Variants in ARFGAP3 observed in about 807,000 individuals in gnomAD.
ARFGAP3 encodes ARF GTPase activating protein 3, also known as ADP-ribosylation factor GTPase-activating protein 3.
ARFGAP3 carries 72 observed loss-of-function variants against 75.0 expected under a neutral mutation model. That is an observed-to-expected ratio of 0.96 (90% CI 0.79 to 1.17). The LOEUF (loss-of-function observed/expected upper bound fraction) is 1.17. Ranked by LOEUF, ARFGAP3 falls within the 50% of genes most tolerant of loss-of-function variation. The pLI, the probability that ARFGAP3 is intolerant of heterozygous loss-of-function variation, is 0.00. For missense variants in ARFGAP3, 620 were observed against 626.6 expected (o/e 0.99, Z 0.11); for synonymous variants, 221 against 217.9 (o/e 1.01, Z -0.13).
intron 9 of ARFGAP3, among the ~76,000 whole-genome samples, chr22:42,819,448 T>C (rs756491791): frequency 3.3e-4 from 51 of 152,248 alleles, no homozygotes; most frequent in Non-Finnish European, 6.6e-4. Context: ...ACTAAAAGCA[T>C]GCACTTTGAT....
chr22:42,823,814 T>G lies in ARFGAP3; in HGVS notation c.626-112A>C, dbSNP rs113217542. On this transcript the variant is annotated intron_variant, in intron 7 of 15. Coordinates refer to ENST00000263245, the MANE Select transcript of ARFGAP3 (RefSeq NM_014570.5). ...CTTTATTATTTAAGAGATGATAACA[T>G]TTTCCACTTTAGTTTCTCATCCAGA... The G allele has an allele frequency of 4.4e-5, 53 of 1,211,806 alleles. No homozygotes were observed. The African/African-American group carries it at 7.8e-4, about 18-fold the overall frequency. The allele number at this position is 1,211,806 out of a possible 1,614,324, so 75.1% of individuals were successfully genotyped here. A position where few individuals can be genotyped will look rare whatever the true frequency, so the allele number is the denominator to read the frequency against.
intron 11 of ARFGAP3, among the ~76,000 whole-genome samples, chr22:42,812,260 T>G (rs1297097766): frequency 6.9e-6 from 1 of 145,970 alleles, no homozygotes; most frequent in Non-Finnish European, 1.5e-5. Context: ...GACTGTGCCA[T>G]GCCAGAATTC....
At chr22:42,842,770 C>T (rs981024940) in intron 2 of ARFGAP3, among the ~76,000 whole-genome samples, 4 of 152,052 alleles carry the variant, frequency 2.6e-5, no homozygotes, top group Non-Finnish European at 5.9e-5. Context: ...ATTTCCCAGC[C>T]GCCCTTTGTT....
intron 1 of ARFGAP3, among the ~76,000 whole-genome samples, chr22:42,849,853 C>T (rs916265668): frequency 5.3e-5 from 8 of 152,222 alleles, no homozygotes; most frequent in South Asian, 4.1e-4. Context: ...TGAGCCACCA[C>T]GTCCGGCTCC....
chr22:42,847,221 G>T, intron 2 of ARFGAP3: 1 of 244,478 alleles, frequency 4.1e-6, no homozygotes. Context: ...AGGCTGGAAT[G>T]CAGCGGCAAG....
chr22:42,819,090 G>A (rs545842375), intron 9 of ARFGAP3, among the ~76,000 whole-genome samples: 2 of 152,224 alleles, frequency 1.3e-5, no homozygotes, highest in African/African-American at 4.8e-5. Context: ...TGGGATTACA[G>A]GCATGAGCCA....
At chr22:42,843,331 TC>T (rs1474460854) in intron 2 of ARFGAP3, among the ~76,000 whole-genome samples, 2 of 152,242 alleles carry the variant, frequency 1.3e-5, no homozygotes, top group East Asian at 3.8e-4. Context: ...ACAAAGCATT[TC>T]GCTTTTTCCT....
At chr22:42,827,567 T>C (rs1209665156) in intron 6 of ARFGAP3, among the ~76,000 whole-genome samples, 3 of 152,218 alleles carry the variant, frequency 2.0e-5, no homozygotes, top group Non-Finnish European at 4.4e-5. Context: ...GGTTTCTCCA[T>C]GTTGGTCAGG....
At chr22:42,807,035 G>C in intron 14 of ARFGAP3, 38 bp downstream of exon 14, 1 of 1,561,598 alleles carries the variant, frequency 6.4e-7, no homozygotes, top group Non-Finnish European at 8.7e-7. Context: ...TCATACCGTA[G>C]ACATGACAGA....
At chr22:42,817,358 C>T in intron 10 of ARFGAP3, 94 bp from the exon 11 acceptor site, 7 of 1,470,252 alleles carry the variant, frequency 4.8e-6, no homozygotes, top group Non-Finnish European at 6.3e-6. Flanking sequence ...TGAACAAAGA[C>T]AAATGTATTC....
At chr22:42,815,168 A>G in intron 11 of ARFGAP3, among the ~76,000 whole-genome samples, 1 of 152,346 alleles carries the variant, frequency 6.6e-6, no homozygotes, top group East Asian at 1.9e-4. Context: ...TCTGACCCAG[A>G]CTTAGTCCAC....
intron 11 of ARFGAP3, among the ~76,000 whole-genome samples, chr22:42,811,858 G>T (rs1048522638): frequency 2.0e-5 from 3 of 152,044 alleles, no homozygotes; most frequent in African/African-American, 7.2e-5. Context: ...AGGCGAGGTG[G>T]ATGTGCCAAA....
In ARFGAP3 at chr22:42,796,535, G is replaced by A. The variant is rs954046551; in HGVS notation, c.*1053C>T. 2.0e-5 allele frequency: 3 copies of A among 152,218 alleles called. No individual in the cohort carries two copies. Among genetic ancestry groups the A allele is most frequent in the African/African-American group, 7.2e-5 (3 of 41,460 alleles). 9.4% of individuals were successfully genotyped at this position (152,218 alleles called of 1,614,324 possible). ...AAAAATGTAGGCAATGCCATCTGCT[G>A]CAAGTGTTTATTCTATTTAGAAGTC... On this transcript the variant is annotated 3_prime_UTR_variant, in exon 16 of 16. Transcript: ENST00000263245.
intron 1 of ARFGAP3, among the ~76,000 whole-genome samples, chr22:42,848,137 T>C (rs547225200): frequency 4.6e-5 from 7 of 152,092 alleles, no homozygotes; most frequent in Non-Finnish European, 7.4e-5. Flanking sequence ...GTGTTGGGAT[T>C]ACAGGCACGA....
At chr22:42,811,136 C>T (rs978481300) in intron 11 of ARFGAP3, 192 bp from the exon 12 acceptor site, 11 of 410,684 alleles carry the variant, frequency 2.7e-5, no homozygotes, top group African/African-American at 2.4e-4. Flanking sequence ...TGTGTTCAAC[C>T]TTGCCCAGTC....
In ARFGAP3 at chr22:42,834,880, C is replaced by T. The variant is rs546969406; in HGVS notation, c.393+482G>A. 3.3e-5 allele frequency among the ~76,000 whole-genome samples: 5 copies of T among 152,248 alleles called. No individual in the cohort carries two copies. In the South Asian group the frequency reaches 1.0e-3, roughly 32 times the overall value. ...TTCCCATGCTTTTTATTGAGGATGT[C>T]ATTTTTTAAGATGCCTCTCAAGTGC... On this transcript the variant is annotated intron_variant, in intron 4 of 15. Transcript: ENST00000263245.
At chr22:42,843,128 C>A (rs1926860829) in intron 2 of ARFGAP3, among the ~76,000 whole-genome samples, 1 of 151,862 alleles carries the variant, frequency 6.6e-6, no homozygotes, top group Non-Finnish European at 1.5e-5. Context: ...CAGCCTCGGT[C>A]CTCACCTCTT....
At chr22:42,824,815 G>C (rs1925969280) in intron 7 of ARFGAP3, among the ~76,000 whole-genome samples, 1 of 152,134 alleles carries the variant, frequency 6.6e-6, no homozygotes, top group Non-Finnish European at 1.5e-5. Context: ...TATCCAACAG[G>C]AAGTGTTTCA....
At chr22:42,798,923 T>C (rs1569129400) in intron 15 of ARFGAP3, 116 bp downstream of exon 15, 3 of 848,482 alleles carry the variant, frequency 3.5e-6, no homozygotes, top group Non-Finnish European at 6.0e-6. Context: ...GTAGCAAACA[T>C]ATCGATCCAA....
Sources: gnomAD v4.1 joint callset for allele counts (sites outside exome capture counted in the v4.1 genomes callset) on GRCh38, gnomAD v4.1.1 for gene constraint, MANE v1.5 for transcripts, NCBI Gene and HGNC (gene_info 2026-07-23, HGNC 2026-07-21) for gene names.